Variants in SARS2 observed in about 807,000 individuals in gnomAD.
SARS2 encodes seryl-tRNA synthetase 2, mitochondrial, also known as serine--tRNA ligase, mitochondrial.
SARS2 carries 52 observed loss-of-function variants against 66.8 expected under a neutral mutation model. The observed-to-expected ratio is 0.78, with a 90% CI of 0.62 to 0.98. SARS2 has a LOEUF of 0.98. Among genes scored for constraint, SARS2 ranks in the 50% least tolerant of loss-of-function variants. The pLI, the probability that SARS2 is intolerant of heterozygous loss-of-function variation, is 0.00. For missense variants in SARS2, 673 were observed against 706.3 expected, an observed-to-expected ratio of 0.95 and a Z score of 0.53; for synonymous variants, 306 against 281.4, an observed-to-expected ratio of 1.09 and a Z score of -0.87.
In SARS2 at chr19:38,920,976, CACAA is replaced by C. The variant is rs1219307159; in HGVS notation, c.589+412_589+415del. Among the ~76,000 whole-genome samples the C allele has an allele frequency of 4.6e-3, 687 of 150,904 alleles. 5 individuals carry two copies. The highest frequency in any genetic ancestry group is 0.016 in the African/African-American group (642 of 40,950). On this transcript the variant is annotated intron_variant, in intron 5 of 15. Transcript: ENST00000221431. ...AGACACAGACACAGATACAGACACA[CACAA>C]ACACAGACACACACACACAGATACA...
intron 7 of SARS2, 109 bp downstream of exon 7, chr19:38,919,653 T>G: frequency 1.2e-6 from 1 of 844,628 alleles, no homozygotes; most frequent in East Asian, 2.5e-5. Context: ...CATGAAGCTC[T>G]GAGAGCAGTG....
intron 7 of SARS2, among the ~76,000 whole-genome samples, chr19:38,919,490 G>A (rs925084764): frequency 6.6e-6 from 1 of 152,232 alleles, no homozygotes; most frequent in African/African-American, 2.4e-5. Flanking sequence ...ATGATTACAA[G>A]CACAGGCTCT....
intron 5 of SARS2, 49 bp downstream of exon 5, chr19:38,921,343 C>T (rs1284770787): frequency 1.2e-6 from 2 of 1,600,196 alleles, no homozygotes; most frequent in Middle Eastern, 4.4e-4. Flanking sequence ...GACCCCAGAA[C>T]CCCCACACCG....
intron 2 of SARS2, among the ~76,000 whole-genome samples, chr19:38,925,797 A>G (rs1036081309): frequency 6.6e-6 from 1 of 152,104 alleles, no homozygotes; most frequent in African/African-American, 2.4e-5. Flanking sequence ...ATGTGAGGTA[A>G]TGCATGTCCA....
At chr19:38,921,284 T>C in intron 5 of SARS2, 108 bp downstream of exon 5, 2 of 1,178,932 alleles carry the variant, frequency 1.7e-6, no homozygotes, top group East Asian at 5.1e-5. Context: ...CCGCCAGGAG[T>C]TCTCCAGGCT....
In SARS2 at chr19:38,916,249, C is replaced by T; in HGVS notation, c.1226G>A (p.Trp409Ter). The T allele has an allele frequency of 6.2e-7, 1 of 1,614,082 alleles. No individual in the cohort carries two copies. The highest frequency in any genetic ancestry group is 8.5e-7 in the Non-Finnish European group (1 of 1,179,960). Residue 409 changes from tryptophan (W) to a stop codon, truncating the protein, a stop_gained, in exon 13 of 16, where the codon TGG (tryptophan) becomes TAG (stop). Transcript: ENST00000221431. LOFTEE classifies it high-confidence loss of function. ...PAYRKFDIEA[W>*]MPGRGRFGEV... ...TCCAAAGCGGCCTCGGCCTGGCATC[C>T]AGGCCTCAATGTCAAACTTGCGGTA...
chr19:38,921,350 A>G (rs1273639135), intron 5 of SARS2, 42 bp downstream of exon 5: 1 of 1,605,302 alleles, frequency 6.2e-7, no homozygotes, highest in Non-Finnish European at 8.5e-7. Flanking sequence ...GAACCCCCAC[A>G]CCGCAGGGCT....
In SARS2 at chr19:38,917,788, G is replaced by C. The variant is rs1974443755; in HGVS notation, c.1096C>G (p.Gln366Glu). 6.2e-7 allele frequency: 1 copy of C among 1,613,988 alleles called. No homozygotes were observed. Among genetic ancestry groups the C allele is most frequent in the Non-Finnish European group, 8.5e-7 (1 of 1,180,012 alleles). Residue 366 changes from glutamine to glutamate, a missense_variant, in exon 12 of 16, where the codon CAG becomes GAG. Coordinates refer to ENST00000221431, the MANE Select transcript of SARS2 (RefSeq NM_017827.4). Reference sequence around the variant, plus strand: ...AGGGACAGGAACTCCTCCAGCAGCTGTGAGCTCTGCTCCAGCCCAGGGCCT... The same window carrying C: ...AGGGACAGGAACTCCTCCAGCAGCTCTGAGCTCTGCTCCAGCCCAGGGCCT... ...VTGPGLEQSS[Q>E]LLEEFLSLQM... is the part of the protein sequence containing the mutation.
At chr19:38,922,304 C>T (rs2144773151) in intron 2 of SARS2, 37 bp from the exon 3 acceptor site, 1 of 1,610,186 alleles carries the variant, frequency 6.2e-7, no homozygotes, top group Non-Finnish European at 8.5e-7. Flanking sequence ...ATTAGGTTGA[C>T]AAAGTCGAGG....
intron 5 of SARS2, 31 bp from the exon 6 acceptor site, chr19:38,920,180 G>C: frequency 6.5e-7 from 1 of 1,536,946 alleles, no homozygotes; most frequent in Non-Finnish European, 8.8e-7. Flanking sequence ...CCGGTGTAAG[G>C]CAGCGGGGAG....
chr19:38,918,071 G>C (rs1460765278), intron 10 of SARS2, 23 bp downstream of exon 10: 1 of 1,605,500 alleles, frequency 6.2e-7, no homozygotes, highest in Non-Finnish European at 8.5e-7. Context: ...GTGGGGTCAA[G>C]GTCTAAGGAA....
rs560436725 is a variant in SARS2, at chr19:38,920,858, T to TACAC, written c.589+530_589+533dup. ...ACACAGAGAAAGACACACAGATACATACACACAGATACATAGACACACACA... is the reference window on the plus strand; with the variant it reads ...ACACAGAGAAAGACACACAGATACATACACACACACAGATACATAGACACACACA... On this transcript the variant is annotated intron_variant, in intron 5 of 15. Transcript: ENST00000221431. Among the ~76,000 whole-genome samples, 423 of 136,790 alleles carry TACAC rather than the reference T, an allele frequency of 3.1e-3. 7 individuals carry two copies. Among genetic ancestry groups the TACAC allele is most frequent in the African/African-American group, 0.012 (416 of 36,102 alleles). The allele number at this position is 136,790 out of a possible 152,430, so 89.7% of individuals were successfully genotyped here.
At chr19:38,922,014 A>T (rs574558482) in intron 3 of SARS2, 13 of 1,552,538 alleles carry the variant, frequency 8.4e-6, no homozygotes, top group Middle Eastern at 1.7e-4. Flanking sequence ...AAGGAGAGAA[A>T]GCTGGCCTGG....
chr19:38,929,403 A>G (rs1354048564), intron 1 of SARS2, among the ~76,000 whole-genome samples: 2 of 151,340 alleles, frequency 1.3e-5, no homozygotes, highest in Non-Finnish European at 2.9e-5. Flanking sequence ...AAAAATACAA[A>G]AGTTTAGCCG....
intron 2 of SARS2, 106 bp downstream of exon 2, chr19:38,926,099 A>C: frequency 1.0e-6 from 1 of 968,664 alleles, no homozygotes; most frequent in South Asian, 1.3e-5. Flanking sequence ...TATAGGCGTG[A>C]GCCACCGTGC....
chr19:38,920,566 C>T (rs1167465555), intron 5 of SARS2, among the ~76,000 whole-genome samples: 1 of 151,854 alleles, frequency 6.6e-6, no homozygotes, highest in African/African-American at 2.4e-5. Context: ...GACACACACA[C>T]ACTCACACAC....
chr19:38,930,590 G>A lies in SARS2; in HGVS notation c.147C>T (p.Arg49=), dbSNP rs1210590458. 1 of 1,614,064 alleles carries A rather than the reference G, an allele frequency of 6.2e-7. No homozygotes were observed. Among genetic ancestry groups the A allele is most frequent in the African/African-American group, 1.3e-5 (1 of 75,046 alleles). ...GCTGAGGGAGTGCGCTGTAGCCCTC[G>A]CGCGCATACTCGTACAGGAGGTTCC... ...RNRNLLYEYA[R]EGYSALPQLD... The change falls in exon 1 of 16, where the codon CGC becomes CGT. Residue 49 remains arginine (R), a synonymous_variant. Coordinates refer to ENST00000221431, the MANE Select transcript of SARS2 (RefSeq NM_017827.4).
At chr19:38,921,182 A>G (rs570621351) in intron 5 of SARS2, among the ~76,000 whole-genome samples, 9 of 152,298 alleles carry the variant, frequency 5.9e-5, no homozygotes, top group East Asian at 1.9e-4. Context: ...AGACTGCCCA[A>G]TGGTGAAGGG....
chr19:38,918,476 G>C lies in SARS2; in HGVS notation c.862C>G (p.Pro288Ala), dbSNP rs1033683967. Residue 288 changes from proline (P) to alanine (A), a missense_variant, in exon 9 of 16, where the codon CCT (proline) becomes GCT (alanine). Pro to Ala is a conservative substitution (Grantham distance 27, BLOSUM62 -1). Coordinates refer to ENST00000221431, the MANE Select transcript of SARS2 (RefSeq NM_017827.4). ...AGGTTGAGATCTTTGAAGCGGGCAG[G>C]GTCGATGTTGTAAATTTGGGATGGG... ...ANPSQIYNIDPARFKDLNLAG... is the reference protein window; with the variant it reads ...ANPSQIYNIDAARFKDLNLAG... 1.2e-6 allele frequency: 2 copies of C among 1,614,086 alleles called. No homozygotes were observed. Among genetic ancestry groups the C allele is most frequent in the Non-Finnish European group, 1.7e-6 (2 of 1,180,040 alleles).
Sources: allele counts gnomAD v4.1 joint callset (sites outside exome capture counted in the v4.1 genomes callset), GRCh38; gene constraint gnomAD v4.1.1; transcripts MANE v1.5; gene names NCBI Gene and HGNC (gene_info 2026-07-23, HGNC 2026-07-21).